Variants in DNER observed in about 807,000 individuals in gnomAD.
The protein encoded by DNER is delta/notch like EGF repeat containing.
Under a neutral mutation model 78.2 loss-of-function variants are expected in DNER, and 33 were observed. The ratio of observed to expected loss-of-function variants is 0.42; its 90% CI spans 0.32 to 0.56. The LOEUF (loss-of-function observed/expected upper bound fraction) is 0.56, where lower values mean the gene tolerates loss of function less well. DNER is among the 20% of genes least tolerant of loss of function. The pLI is 0.11. For missense variants in DNER, 918 were observed against 975.3 expected (o/e 0.94, Z 0.78); for synonymous variants, 417 against 384.8 (o/e 1.08, Z -0.98).
chr2:229,608,514 G>T (rs931568525), intron 1 of DNER, among the ~76,000 whole-genome samples: 2 of 152,134 alleles, frequency 1.3e-5, no homozygotes, highest in African/African-American at 2.4e-5. Flanking sequence ...AAATTAAACC[G>T]CATGAAAATT....
chr2:229,529,999 G>A (rs1159497010), intron 5 of DNER, among the ~76,000 whole-genome samples: 1 of 147,588 alleles, frequency 6.8e-6, no homozygotes, highest in Non-Finnish European at 1.5e-5. Context: ...GAGGCCTCAA[G>A]TCTTTAAAAA....
chr2:229,570,499 C>T lies in DNER; in HGVS notation c.847+15359G>A, dbSNP rs565379828. On this transcript the variant is annotated intron_variant, in intron 4 of 12. Transcript: ENST00000341772. Reference sequence around the variant, plus strand: ...AAAATTAGTCAGGCATGGTGTTGGGCGCCTATAATCCCAGCTACGTGGGAG... The same window carrying T: ...AAAATTAGTCAGGCATGGTGTTGGGTGCCTATAATCCCAGCTACGTGGGAG... Among the ~76,000 whole-genome samples the T allele has an allele frequency of 2.5e-3, 381 of 152,028 alleles. 2 individuals are homozygous for T. The highest frequency in any genetic ancestry group is 4.1e-3 in the Non-Finnish European group (276 of 67,972).
chr2:229,681,790 C>A (rs1574562311), intron 1 of DNER, among the ~76,000 whole-genome samples: 1 of 149,154 alleles, frequency 6.7e-6, no homozygotes, highest in African/African-American at 2.5e-5. Flanking sequence ...CAGTGGAGTT[C>A]ATTTAATAGG....
intron 7 of DNER, among the ~76,000 whole-genome samples, chr2:229,461,456 T>C (rs1255391433): frequency 6.6e-6 from 1 of 151,994 alleles, no homozygotes; most frequent in Non-Finnish European, 1.5e-5. Context: ...AAATTAGTTA[T>C]GGTGGCAAAG....
At chr2:229,389,400 G>A (rs1692968348) in intron 10 of DNER, among the ~76,000 whole-genome samples, 1 of 147,860 alleles carries the variant, frequency 6.8e-6, no homozygotes, top group Admixed American at 6.6e-5. Context: ...TAAAGCTGAA[G>A]AGAAGAGGAT....
At chr2:229,453,960 G>A (rs1225319721) in intron 7 of DNER, among the ~76,000 whole-genome samples, 1 of 149,856 alleles carries the variant, frequency 6.7e-6, no homozygotes, top group Non-Finnish European at 1.5e-5. Flanking sequence ...GAGAAACCAG[G>A]AGAGAAAGGT....
At chr2:229,418,298 C>T in intron 8 of DNER, 68 bp from the exon 9 acceptor site, 1 of 1,601,584 alleles carries the variant, frequency 6.2e-7, no homozygotes, top group Non-Finnish European at 8.5e-7. Flanking sequence ...GACCAGCCTG[C>T]AAGGAAGGCA....
At chr2:229,694,696 T>C (rs1221647984) in intron 1 of DNER, among the ~76,000 whole-genome samples, 11 of 152,172 alleles carry the variant, frequency 7.2e-5, no homozygotes, top group Admixed American at 7.2e-4. Context: ...TTGGAACAGG[T>C]GTATTTACCC....
intron 1 of DNER, among the ~76,000 whole-genome samples, chr2:229,679,865 T>G (rs1264178078): frequency 2.6e-5 from 4 of 152,182 alleles, no homozygotes; most frequent in African/African-American, 9.6e-5. Context: ...TCCACCACTC[T>G]TCAGGAGCAC....
intron 1 of DNER, among the ~76,000 whole-genome samples, chr2:229,668,813 G>A (rs1222151729): frequency 5.3e-5 from 8 of 151,462 alleles, no homozygotes; most frequent in East Asian, 2.0e-4. Flanking sequence ...ACAGTGTGGC[G>A]ATTCCTCAAA....
At chr2:229,447,032 T>C (rs1694355287) in intron 8 of DNER, among the ~76,000 whole-genome samples, 1 of 152,176 alleles carries the variant, frequency 6.6e-6, no homozygotes, top group Admixed American at 6.5e-5. Flanking sequence ...TTTTCTTTAT[T>C]TTGCTTGTTT....
In DNER at chr2:229,360,465, C is replaced by T. The variant is rs369396543; in HGVS notation, c.2103-1814G>A. ...TCGCACTGTTGCCCAGGCTGGAGTG[C>T]AGTGGCGTGGTCTCGGCTCACGCGG... On this transcript the variant is annotated intron_variant, in intron 12 of 12. Transcript: ENST00000341772. Among the ~76,000 whole-genome samples the T allele has an allele frequency of 4.2e-4, 64 of 152,264 alleles. 1 individual carries two copies. Among genetic ancestry groups the T allele is most frequent in the African/African-American group, 1.4e-3 (57 of 41,548 alleles).
chr2:229,592,820 T>C (rs1344313600), intron 1 of DNER, among the ~76,000 whole-genome samples: 4 of 152,220 alleles, frequency 2.6e-5, no homozygotes, highest in Non-Finnish European at 5.9e-5. Context: ...GATATACCCC[T>C]GGCTTCTCAG....
At chr2:229,488,834 A>T (rs1481387055) in intron 6 of DNER, among the ~76,000 whole-genome samples, 2 of 152,228 alleles carry the variant, frequency 1.3e-5, no homozygotes, top group Admixed American at 6.5e-5. Context: ...ATCTCTGGCC[A>T]AGAAAGTGGT....
At chr2:229,604,205 A>G (rs562261333) in intron 1 of DNER, among the ~76,000 whole-genome samples, 1 of 152,370 alleles carries the variant, frequency 6.6e-6, no homozygotes, top group East Asian at 1.9e-4. Flanking sequence ...AGGGACTCCA[A>G]ACATTTTAAA....
At chr2:229,617,401 C>T (rs1698184645) in intron 1 of DNER, among the ~76,000 whole-genome samples, 1 of 152,116 alleles carries the variant, frequency 6.6e-6, no homozygotes, top group South Asian at 2.1e-4. Context: ...ATAATTTAGA[C>T]AATGAAATAT....
At chr2:229,694,849 G>C (rs1434176116) in intron 1 of DNER, among the ~76,000 whole-genome samples, 2 of 152,188 alleles carry the variant, frequency 1.3e-5, no homozygotes, top group African/African-American at 4.8e-5. Flanking sequence ...TTAAGATTTT[G>C]GGGGACTGTT....
At chr2:229,363,109 ACAAG>A (rs1559330857) in intron 12 of DNER, among the ~76,000 whole-genome samples, 9 of 152,200 alleles carry the variant, frequency 5.9e-5, no homozygotes, top group Admixed American at 1.3e-4. Flanking sequence ...CTGGTCAGTT[ACAAG>A]CTCTTCCCTG....
chr2:229,388,429 G>A (rs749215233), intron 10 of DNER, 33 bp from the exon 11 acceptor site: 30 of 1,567,414 alleles, frequency 1.9e-5, no homozygotes, highest in African/African-American at 1.1e-4. Context: ...TGGTGAAACC[G>A]CTGCACCCAT....
Sources: allele counts gnomAD v4.1 joint callset (sites outside exome capture counted in the v4.1 genomes callset), GRCh38; gene constraint gnomAD v4.1.1; transcripts MANE v1.5; gene names NCBI Gene and HGNC (gene_info 2026-07-23, HGNC 2026-07-21).